LRRC4C: variants seen among roughly 807,000 people sequenced by gnomAD.
LRRC4C encodes leucine-rich repeat-containing protein 4C.
LRRC4C carries 5 observed loss-of-function variants against 33.6 expected under a neutral mutation model. The ratio of observed to expected loss-of-function variants is 0.15; its 90% CI spans 0.08 to 0.31. The LOEUF (loss-of-function observed/expected upper bound fraction) is 0.31. Ranked by LOEUF, LRRC4C falls within the 10% of genes least tolerant of loss-of-function variation. The probability of loss-of-function intolerance (pLI) is 1.00; values close to 1 mark genes in which losing one functional copy is unlikely to be tolerated. For synonymous variants in LRRC4C, 329 were observed against 302.0 expected (o/e 1.09, Z -0.93); for missense variants, 560 against 796.7 (o/e 0.70, Z 3.58).
intron 1 of LRRC4C, among the ~76,000 whole-genome samples, chr11:41,139,282 T>C (rs1298026726): frequency 6.6e-6 from 1 of 152,202 alleles, no homozygotes; most frequent in Non-Finnish European, 1.5e-5. Context: ...GGGACTTATA[T>C]ACAATGTCTA....
rs148094315 is a variant in LRRC4C at position 40,744,429 on chromosome 11, T to C, written c.-406-96151A>G. Among the ~76,000 whole-genome samples, 42 of 152,280 alleles carry C rather than the reference T, an allele frequency of 2.8e-4. 1 individual carries two copies. The East Asian group carries it at 6.6e-3, about 24-fold the overall frequency. The stretch of plus-strand genomic sequence containing the variant: ...AACAGTAAATGTGAAGACCAACAGA[T>C]AAGATGGTGTGTTTGAAGCTCTGAA... On this transcript the variant is annotated intron_variant, in intron 2 of 6. Coordinates refer to ENST00000528697, the MANE Select transcript of LRRC4C (RefSeq NM_001258419.2).
intron 6 of LRRC4C, among the ~76,000 whole-genome samples, chr11:40,130,135 A>C (rs1413417943): frequency 6.6e-6 from 1 of 152,208 alleles, no homozygotes; most frequent in African/African-American, 2.4e-5. Context: ...TATGTTTTTG[A>C]CAGCAATTTG....
intron 1 of LRRC4C, among the ~76,000 whole-genome samples, chr11:41,316,882 G>T (rs1404314430): frequency 6.6e-6 from 1 of 152,140 alleles, no homozygotes. Flanking sequence ...AAACCACAAG[G>T]CTGGTTCCAA....
chr11:41,059,931 A>G (rs1300867629), intron 1 of LRRC4C, among the ~76,000 whole-genome samples: 3 of 152,144 alleles, frequency 2.0e-5, no homozygotes, highest in South Asian at 2.1e-4. Flanking sequence ...GGTCTGAGGC[A>G]TAAGAATCAC....
intron 5 of LRRC4C, among the ~76,000 whole-genome samples, chr11:40,183,632 A>C (rs1861185629): frequency 6.6e-6 from 1 of 152,242 alleles, no homozygotes; most frequent in African/African-American, 2.4e-5. Context: ...TCTCATTATA[A>C]AACCAATCAG....
intron 1 of LRRC4C, among the ~76,000 whole-genome samples, chr11:41,322,031 A>C (rs1950974267): frequency 6.6e-6 from 1 of 151,704 alleles, no homozygotes; most frequent in Non-Finnish European, 1.5e-5. Flanking sequence ...TGCCTGGCTA[A>C]TTTTTCTATT....
chr11:40,845,937 A>G (rs1461490697), intron 2 of LRRC4C, among the ~76,000 whole-genome samples: 2 of 151,546 alleles, frequency 1.3e-5, no homozygotes, highest in East Asian at 1.9e-4. Flanking sequence ...ACCAGTGATG[A>G]TGAGCTTTTT....
intron 3 of LRRC4C, among the ~76,000 whole-genome samples, chr11:40,435,864 T>C (rs952698620): frequency 9.9e-5 from 15 of 152,188 alleles, no homozygotes; most frequent in African/African-American, 3.6e-4. Context: ...AAAACATCCA[T>C]GAATATTTGG....
At chr11:40,602,537 G>C (rs1334771867) in intron 3 of LRRC4C, among the ~76,000 whole-genome samples, 5 of 149,722 alleles carry the variant, frequency 3.3e-5, no homozygotes, top group African/African-American at 1.2e-4. Context: ...TCACAATATA[G>C]AAAAAAATGA....
intron 1 of LRRC4C, among the ~76,000 whole-genome samples, chr11:41,157,613 G>T (rs1326324080): frequency 1.3e-5 from 2 of 152,036 alleles, no homozygotes; most frequent in Non-Finnish European, 2.9e-5. Flanking sequence ...AAAAATTTCT[G>T]TTTATCACAT....
At chr11:40,495,681 T>C (rs762620716) in intron 3 of LRRC4C, among the ~76,000 whole-genome samples, 1 of 152,068 alleles carries the variant, frequency 6.6e-6, no homozygotes, top group Non-Finnish European at 1.5e-5. Context: ...AGTCAGTACT[T>C]GATTTAATAA....
At chr11:40,649,765 G>T (rs1452845848) in intron 2 of LRRC4C, among the ~76,000 whole-genome samples, 1 of 152,132 alleles carries the variant, frequency 6.6e-6, no homozygotes. Context: ...ACAGGAGTAA[G>T]AAATTATAAA....
chr11:41,255,741 AT>A (rs1948778739), intron 1 of LRRC4C, among the ~76,000 whole-genome samples: 1 of 149,934 alleles, frequency 6.7e-6, no homozygotes, highest in Admixed American at 6.7e-5. Context: ...GTAAAAAAAA[AT>A]TACCCTTTCT....
intron 2 of LRRC4C, among the ~76,000 whole-genome samples, chr11:40,696,770 A>ATATATATATG (rs1565646096): frequency 2.1e-5 from 3 of 144,632 alleles, no homozygotes; most frequent in Admixed American, 1.4e-4. Flanking sequence ...ATATATATAT[A>ATATATATATG]TATATCTGAG....
intron 1 of LRRC4C, among the ~76,000 whole-genome samples, chr11:41,415,851 G>C (rs1448681900): frequency 6.6e-6 from 1 of 152,092 alleles, no homozygotes; most frequent in Non-Finnish European, 1.5e-5. Context: ...ATCAGAGGAG[G>C]AATGAGAATA....
chr11:40,283,089 G>T (rs984438873), intron 4 of LRRC4C, among the ~76,000 whole-genome samples: 8 of 152,214 alleles, frequency 5.3e-5, no homozygotes, highest in African/African-American at 1.7e-4. Flanking sequence ...GGACCACCTT[G>T]ATTTTTGTGA....
At chr11:40,306,249 C>T (rs767381346) in intron 4 of LRRC4C, among the ~76,000 whole-genome samples, 1 of 152,066 alleles carries the variant, frequency 6.6e-6, no homozygotes. Context: ...AAAGGTTAGC[C>T]TTTTTCTCTT....
intron 1 of LRRC4C, among the ~76,000 whole-genome samples, chr11:40,987,674 TG>T (rs1565274703): frequency 0.23 from 6,260 of 27,390 alleles, 535 homozygotes; most frequent in East Asian, 0.36. Context: ...GAGATATAAA[TG>T]ATATATATAT....
chr11:40,876,971 C>T (rs1954926276), intron 2 of LRRC4C, among the ~76,000 whole-genome samples: 1 of 151,526 alleles, frequency 6.6e-6, no homozygotes, highest in Non-Finnish European at 1.5e-5. Context: ...CAGTGATCTA[C>T]CTTTAGAAAG....
Sources: gnomAD v4.1 joint callset for allele counts (sites outside exome capture counted in the v4.1 genomes callset) on GRCh38, gnomAD v4.1.1 for gene constraint, MANE v1.5 for transcripts, NCBI Gene and HGNC (gene_info 2026-07-23, HGNC 2026-07-21) for gene names.